The following TCF12 variants were observed in gnomAD, a reference collection of about 807,000 sequenced individuals.
TCF12 encodes the protein DNA-binding protein HTF4.
Under a neutral mutation model 86.0 loss-of-function variants are expected in TCF12, and 45 were observed. That is an observed-to-expected ratio of 0.52 (90% CI 0.41 to 0.67). TCF12 has a LOEUF of 0.67. Among genes scored for constraint, TCF12 ranks in the 30% least tolerant of loss-of-function variants. The probability of loss-of-function intolerance (pLI) is 0.00; values close to 1 mark genes in which losing one functional copy is unlikely to be tolerated. For missense variants in TCF12, 881 were observed against 859.9 expected, an observed-to-expected ratio of 1.02 and a Z score of -0.31; for synonymous variants, 330 against 299.6, an observed-to-expected ratio of 1.10 and a Z score of -1.05.
At chr15:56,990,137 A>G (rs898213937) in intron 3 of TCF12, among the ~76,000 whole-genome samples, 1 of 138,580 alleles carries the variant, frequency 7.2e-6, no homozygotes, top group African/African-American at 2.7e-5. Context: ...ATTTATTTTT[A>G]GGCATAGTCT....
intron 8 of TCF12, among the ~76,000 whole-genome samples, chr15:57,213,173 T>C (rs1348355380): frequency 1.3e-5 from 2 of 152,222 alleles, no homozygotes; most frequent in Non-Finnish European, 2.9e-5. Context: ...ACTGACACCA[T>C]TTCCCATCTT....
At chr15:57,251,130 G>C (rs1178827956) in intron 13 of TCF12, 6 of 437,150 alleles carry the variant, frequency 1.4e-5, no homozygotes, top group Admixed American at 3.9e-5. Flanking sequence ...TAAAATTACA[G>C]GGTTTTTTTT....
intron 3 of TCF12, among the ~76,000 whole-genome samples, chr15:56,995,879 G>A (rs541394781): frequency 6.6e-6 from 1 of 152,262 alleles, no homozygotes; most frequent in South Asian, 2.1e-4. Context: ...CAAGGGGAAT[G>A]CTTCCAGCTT....
intron 3 of TCF12, among the ~76,000 whole-genome samples, chr15:56,977,229 T>A (rs150119199): frequency 1.9e-4 from 29 of 152,178 alleles, no homozygotes; most frequent in African/African-American, 7.0e-4. Context: ...ATTTTTTTGT[T>A]TGTTTGTTTT....
At chr15:57,169,827 C>T (rs2055180258) in intron 6 of TCF12, among the ~76,000 whole-genome samples, 1 of 152,158 alleles carries the variant, frequency 6.6e-6, no homozygotes, top group African/African-American at 2.4e-5. Flanking sequence ...AAAGGTATTG[C>T]TGTTTAGTTA....
Position 57,072,483 on chromosome 15 carries a change from G to A in TCF12, c.222+8660G>A, listed in dbSNP as rs148726449. 1.5e-3 allele frequency among the ~76,000 whole-genome samples: 235 copies of A among 152,186 alleles called. 1 individual carries two copies. The highest frequency in any genetic ancestry group is 3.5e-3 in the East Asian group (18 of 5,192). On this transcript the variant is annotated intron_variant, in intron 4 of 20. Transcript: ENST00000333725. ...GCATTGATGGGTAATAAAGATTAGTGTTACTTTTTCTTCTCTAGTGTAGAT... is the reference window on the plus strand; with the variant it reads ...GCATTGATGGGTAATAAAGATTAGTATTACTTTTTCTTCTCTAGTGTAGAT...
chr15:56,962,876 A>G (rs1267746695), intron 3 of TCF12, among the ~76,000 whole-genome samples: 1 of 152,226 alleles, frequency 6.6e-6, no homozygotes, highest in African/African-American at 2.4e-5. Context: ...TTATGTGTGC[A>G]TTTAATGACT....
At chr15:57,184,202 C>T (rs1268319797) in intron 6 of TCF12, among the ~76,000 whole-genome samples, 1 of 151,952 alleles carries the variant, frequency 6.6e-6, no homozygotes, top group African/African-American at 2.4e-5. Flanking sequence ...TTTAACAGAC[C>T]ATACGTTTTC....
Position 57,251,440 on chromosome 15 carries a change from C to T in TCF12, c.1188+17C>T, listed in dbSNP as rs2060112714. 2 of 1,612,424 alleles carry T rather than the reference C, an allele frequency of 1.2e-6. No individual in the cohort carries two copies. Among genetic ancestry groups the T allele is most frequent in the Non-Finnish European group, 1.7e-6 (2 of 1,178,804 alleles). Reference sequence around the variant, plus strand: ...CACTCCCTGGTAAGAGCCTCTTATACATCAGTTTTATCTGATAGCTTAGAG... The same window carrying T: ...CACTCCCTGGTAAGAGCCTCTTATATATCAGTTTTATCTGATAGCTTAGAG... On this transcript the variant is annotated intron_variant, in intron 14 of 20. Coordinates refer to ENST00000333725, the MANE Select transcript of TCF12 (RefSeq NM_207037.2).
chr15:57,234,655 A>T (rs1050373267), intron 12 of TCF12, among the ~76,000 whole-genome samples: 1 of 152,358 alleles, frequency 6.6e-6, no homozygotes, highest in East Asian at 1.9e-4. Flanking sequence ...GTTCACATAC[A>T]TCACTTCAGA....
At chr15:57,224,448 C>T (rs533748707) in intron 8 of TCF12, among the ~76,000 whole-genome samples, 31 of 152,024 alleles carry the variant, frequency 2.0e-4, no homozygotes, top group African/African-American at 6.7e-4. Flanking sequence ...TCCTAGAAAA[C>T]CAGTGATATG....
At chr15:56,996,408 T>G (rs1344393021) in intron 3 of TCF12, among the ~76,000 whole-genome samples, 1 of 152,168 alleles carries the variant, frequency 6.6e-6, no homozygotes. Flanking sequence ...GACTTCCTAT[T>G]CAATAAATGT....
At chr15:57,207,497 C>G (rs1158641880) in intron 8 of TCF12, among the ~76,000 whole-genome samples, 1 of 152,014 alleles carries the variant, frequency 6.6e-6, no homozygotes, top group South Asian at 2.1e-4. Flanking sequence ...ATGGTGAAAC[C>G]TCATCTCTAC....
chr15:57,191,186 A>G (rs1237248267), intron 6 of TCF12, among the ~76,000 whole-genome samples: 2 of 152,220 alleles, frequency 1.3e-5, no homozygotes, highest in Non-Finnish European at 2.9e-5. Context: ...GGAATGGGCC[A>G]GCTGCAGTGG....
chr15:57,261,825 A>G (rs113045430), intron 16 of TCF12, among the ~76,000 whole-genome samples: 45 of 152,156 alleles, frequency 3.0e-4, no homozygotes, highest in Admixed American at 2.6e-3. Context: ...GCTTCTCACA[A>G]ACACCCTCTG....
chr15:57,090,415 C>T (rs1266232267), intron 4 of TCF12, among the ~76,000 whole-genome samples: 1 of 152,118 alleles, frequency 6.6e-6, no homozygotes, highest in African/African-American at 2.4e-5. Flanking sequence ...TATCACATGT[C>T]TATCAGTAAT....
chr15:57,158,160 C>G (rs2054246351), intron 5 of TCF12, among the ~76,000 whole-genome samples: 1 of 149,628 alleles, frequency 6.7e-6, no homozygotes, highest in Admixed American at 6.7e-5. Flanking sequence ...TACTTCATCA[C>G]AGATGTTAAA....
At chr15:57,142,923 C>T (rs1490822183) in intron 5 of TCF12, among the ~76,000 whole-genome samples, 1 of 151,900 alleles carries the variant, frequency 6.6e-6, no homozygotes, top group African/African-American at 2.4e-5. Context: ...AGAAAGTTGA[C>T]GAGAATGAAT....
chr15:57,139,260 C>A (rs758817109), intron 5 of TCF12, among the ~76,000 whole-genome samples: 1 of 152,102 alleles, frequency 6.6e-6, no homozygotes, highest in Non-Finnish European at 1.5e-5. Context: ...AAATTTCTTA[C>A]TCATGTGTAC....
Sources: allele counts gnomAD v4.1 joint callset (sites outside exome capture counted in the v4.1 genomes callset), GRCh38; gene constraint gnomAD v4.1.1; transcripts MANE v1.5; gene names NCBI Gene and HGNC (gene_info 2026-07-23, HGNC 2026-07-21).